CECR2: variants seen among roughly 807,000 people sequenced by gnomAD.
The protein encoded by CECR2 is CECR2 histone acetyl-lysine reader.
In CECR2, 30 loss-of-function variants were observed where a neutral mutation model predicts 154.5. The ratio of observed to expected loss-of-function variants is 0.19; its 90% CI spans 0.15 to 0.26. CECR2 has a LOEUF of 0.26. Ranked by LOEUF, CECR2 falls within the 10% of genes least tolerant of loss-of-function variation. CECR2 has a pLI of 1.00. For synonymous variants in CECR2, 725 were observed against 683.7 expected, an observed-to-expected ratio of 1.06 and a Z score of -0.94; for missense variants, 1,743 against 1,829.3, an observed-to-expected ratio of 0.95 and a Z score of 0.86.
intron 1 of CECR2, among the ~76,000 whole-genome samples, chr22:17,469,582 A>T (rs2055088711): frequency 7.0e-6 from 1 of 143,264 alleles, no homozygotes; most frequent in Admixed American, 7.3e-5. Context: ...TCCTCTTTTG[A>T]TGATAACATT....
chr22:17,525,585 G>T (rs867615543), intron 9 of CECR2, among the ~76,000 whole-genome samples: 1 of 152,114 alleles, frequency 6.6e-6, no homozygotes, highest in South Asian at 2.1e-4. Context: ...CAGCCTGGGC[G>T]ACAGAGCAAG....
intron 1 of CECR2, among the ~76,000 whole-genome samples, chr22:17,426,738 A>G (rs935870497): frequency 6.6e-6 from 1 of 151,616 alleles, no homozygotes; most frequent in Non-Finnish European, 1.5e-5. Context: ...TTTTCTGTAG[A>G]TTTTCCCAGT....
Position 17,520,890 on chromosome 22 carries a change from G to A in CECR2, c.955-3228G>A, listed in dbSNP as rs187227322. ...AGTCTTTGCTATTGTGAATAGCGCCGCAATAAACATACGTGTGCATGTGTC... is the reference window on the plus strand; with the variant it reads ...AGTCTTTGCTATTGTGAATAGCGCCACAATAAACATACGTGTGCATGTGTC... On this transcript the variant is annotated intron_variant, in intron 8 of 18. Coordinates refer to ENST00000262608, the MANE Select transcript of CECR2 (RefSeq NM_001290047.2). 3.6e-3 allele frequency among the ~76,000 whole-genome samples: 555 copies of A among 152,152 alleles called. 2 individuals are homozygous for A. The highest frequency in any genetic ancestry group is 0.013 in the African/African-American group (519 of 41,508).
intron 1 of CECR2, among the ~76,000 whole-genome samples, chr22:17,374,483 G>A (rs1277256725): frequency 6.6e-6 from 1 of 152,164 alleles, no homozygotes. Context: ...TTTGGTGTAC[G>A]TGTGTGCACT....
At chr22:17,497,987 A>G (rs1317736393) in intron 3 of CECR2, among the ~76,000 whole-genome samples, 1 of 152,212 alleles carries the variant, frequency 6.6e-6, no homozygotes, top group African/African-American at 2.4e-5. Context: ...TTGAAACCGT[A>G]TATGTTAGTG....
At chr22:17,473,541 A>G (rs1164176627) in intron 1 of CECR2, among the ~76,000 whole-genome samples, 1 of 151,924 alleles carries the variant, frequency 6.6e-6, no homozygotes, top group Non-Finnish European at 1.5e-5. Context: ...TTGAATTTCT[A>G]TCGTTTAGAA....
At chr22:17,502,582 T>A (rs1235697303) in intron 5 of CECR2, among the ~76,000 whole-genome samples, 1 of 152,178 alleles carries the variant, frequency 6.6e-6, no homozygotes, top group African/African-American at 2.4e-5. Flanking sequence ...GGCAGGCAGA[T>A]CATGAGGTCA....
rs148824039 is a variant in CECR2 at position 17,396,671 on chromosome 22, G to T, written c.126+26762G>T. 9.3e-4 allele frequency among the ~76,000 whole-genome samples: 141 copies of T among 152,362 alleles called. 1 individual carries two copies. The Middle Eastern group carries it at 0.01, about 11-fold the overall frequency. ...TGTGGTAATGGCAGTTAAAGTTTAA[G>T]CAGGGCTGAGTGATGTGGTTGAGTG... is the stretch of plus-strand genomic sequence containing the variant. On this transcript the variant is annotated intron_variant, in intron 1 of 18. Coordinates refer to ENST00000262608, the MANE Select transcript of CECR2 (RefSeq NM_001290047.2).
Position 17,537,090 on chromosome 22 carries a change from G to A in CECR2, c.1109-13G>A, listed in dbSNP as rs1421822794. The stretch of plus-strand genomic sequence containing the variant: ...AGTGTGCTTAGCTCACTCAGCCTTT[G>A]TGTTCATTGTAGATCGAGCGAAGAG... On this transcript the variant is annotated splice_polypyrimidine_tract_variant and intron_variant, in intron 9 of 18. Coordinates refer to ENST00000262608, the MANE Select transcript of CECR2 (RefSeq NM_001290047.2). The A allele has an allele frequency of 6.2e-7, 1 of 1,613,348 alleles. No homozygotes were observed. Among genetic ancestry groups the A allele is most frequent in the African/African-American group, 1.3e-5 (1 of 74,886 alleles).
intron 1 of CECR2, among the ~76,000 whole-genome samples, chr22:17,431,304 T>C (rs74713067): frequency 0.012 from 1,852 of 152,324 alleles, 39 homozygotes; most frequent in African/African-American, 0.042. Context: ...TGAGGATATT[T>C]GGTTTTGAGC....
At chr22:17,378,032 G>T (rs1005409115) in intron 1 of CECR2, among the ~76,000 whole-genome samples, 1 of 151,968 alleles carries the variant, frequency 6.6e-6, no homozygotes, top group African/African-American at 2.4e-5. Flanking sequence ...TGCCCAGGCT[G>T]GAGTGCAGTG....
chr22:17,503,098 A>T lies in CECR2; in HGVS notation c.667A>T (p.Asn223Tyr). Residue 223 changes from asparagine (N) to tyrosine (Y), a missense_variant, in exon 6 of 19, where the codon AAT (asparagine) becomes TAT (tyrosine). Transcript: ENST00000262608. Reference sequence around the variant, plus strand: ...GTGTTTCAGTGAAAAGCAGGAAGAAAATTCCTTGGCATCCGAGCCACAGAC... The same window carrying T: ...GTGTTTCAGTGAAAAGCAGGAAGAATATTCCTTGGCATCCGAGCCACAGAC... ...EILLSEKQEE[N>Y]SLASEPQTRH... is the part of the protein sequence containing the mutation. 1 of 1,611,442 alleles carries T rather than the reference A, an allele frequency of 6.2e-7. No individual in the cohort carries two copies. Among genetic ancestry groups the T allele is most frequent in the Non-Finnish European group, 8.5e-7 (1 of 1,178,796 alleles).
chr22:17,426,174 A>G (rs912369726), intron 1 of CECR2, among the ~76,000 whole-genome samples: 2 of 152,206 alleles, frequency 1.3e-5, no homozygotes, highest in Non-Finnish European at 2.9e-5. Flanking sequence ...TCCATCCAAA[A>G]GACACTGGTC....
intron 1 of CECR2, among the ~76,000 whole-genome samples, chr22:17,475,629 G>A (rs905331052): frequency 2.0e-5 from 3 of 152,058 alleles, no homozygotes; most frequent in South Asian, 2.1e-4. Context: ...ATGGAAATAC[G>A]TGATCTGTAG....
Position 17,504,845 on chromosome 22 carries a change from A to G in CECR2, c.701-2A>G. On this transcript the variant is annotated splice_acceptor_variant, in intron 6 of 18. Coordinates refer to ENST00000262608, the MANE Select transcript of CECR2 (RefSeq NM_001290047.2). LOFTEE classifies it high-confidence loss of function. Reference sequence around the variant, plus strand: ...TAGTGAATCCGTTCCTTTATTTTCTAGGGTCCCAAGGGCCAGGCCAAGGTA... The same window carrying G: ...TAGTGAATCCGTTCCTTTATTTTCTGGGGTCCCAAGGGCCAGGCCAAGGTA... 6.2e-7 allele frequency: 1 copy of G among 1,610,546 alleles called. No individual in the cohort carries two copies. The highest frequency in any genetic ancestry group is 1.7e-4 in the Middle Eastern group (1 of 6,016).
At chr22:17,459,309 G>A (rs903118034) in intron 1 of CECR2, among the ~76,000 whole-genome samples, 4 of 152,100 alleles carry the variant, frequency 2.6e-5, no homozygotes, top group African/African-American at 7.2e-5. Context: ...TGCCCTGCCC[G>A]GCCCTGCATC....
chr22:17,405,443 AGAT>A (rs2053966972), intron 1 of CECR2, among the ~76,000 whole-genome samples: 1 of 142,036 alleles, frequency 7.0e-6, no homozygotes, highest in Non-Finnish European at 1.5e-5. Context: ...AGATAAAATA[AGAT>A]AAAATAAAAA....
intron 1 of CECR2, among the ~76,000 whole-genome samples, chr22:17,427,193 C>A (rs6518473): frequency 6.6e-6 from 1 of 151,802 alleles, no homozygotes; most frequent in African/African-American, 2.4e-5. Flanking sequence ...CATGAACTCA[C>A]CCTTTTTTTA....
intron 1 of CECR2, among the ~76,000 whole-genome samples, chr22:17,404,224 A>C (rs1452154964): frequency 7.7e-6 from 1 of 129,206 alleles, no homozygotes; most frequent in Non-Finnish European, 1.6e-5. Context: ...GTGCCACTGC[A>C]CTCCGGCCTG....
Sources: gnomAD v4.1 joint callset for allele counts (sites outside exome capture counted in the v4.1 genomes callset) on GRCh38, gnomAD v4.1.1 for gene constraint, MANE v1.5 for transcripts, NCBI Gene and HGNC (gene_info 2026-07-23, HGNC 2026-07-21) for gene names.